KCNQ2: variants seen among roughly 807,000 people sequenced by gnomAD.
KCNQ2 encodes the protein potassium voltage-gated channel subfamily Q member 2.
In KCNQ2, 14 loss-of-function variants were observed where a neutral mutation model predicts 84.8. The ratio of observed to expected loss-of-function variants is 0.17; its 90% CI spans 0.11 to 0.26. KCNQ2 has a LOEUF of 0.26. Ranked by LOEUF, KCNQ2 falls within the 10% of genes least tolerant of loss-of-function variation. The pLI is 1.00. For missense variants in KCNQ2, 788 were observed against 1,254.0 expected (o/e 0.63, Z 5.61); for synonymous variants, 599 against 554.1 (o/e 1.08, Z -1.14).
In KCNQ2 at chr20:63,428,069, G is replaced by A. The variant is rs2270240; in HGVS notation, c.1217+298C>T. Among the ~76,000 whole-genome samples, 20,529 of 152,150 alleles carry A rather than the reference G, an allele frequency of 0.13. 2,725 individuals carry two copies. Among genetic ancestry groups the A allele is most frequent in the East Asian group, 0.56 (2,860 of 5,142 alleles). On this transcript the variant is annotated intron_variant, in intron 10 of 16. Coordinates refer to ENST00000359125, the MANE Select transcript of KCNQ2 (RefSeq NM_172107.4). Reference sequence around the variant, plus strand: ...GGACGACGGGCTGGGACACTTTGTCGTACGACCCACGCGCCTGGGCCCCAT... The same window carrying A: ...GGACGACGGGCTGGGACACTTTGTCATACGACCCACGCGCCTGGGCCCCAT...
intron 1 of KCNQ2, among the ~76,000 whole-genome samples, chr20:63,458,834 C>T (rs931456592): frequency 2.0e-5 from 3 of 152,254 alleles, no homozygotes; most frequent in African/African-American, 7.2e-5. Context: ...GTCACTGCAC[C>T]ACCTTCCGCA....
intron 1 of KCNQ2, among the ~76,000 whole-genome samples, chr20:63,453,003 AC>A (rs905036996): frequency 6.6e-6 from 1 of 152,170 alleles, no homozygotes. Flanking sequence ...AAAGCGCAGC[AC>A]CGCGTGTGGA....
chr20:63,445,503 C>CCCACAAAGGG, intron 2 of KCNQ2, 139 bp from the exon 3 acceptor site: 2 of 857,392 alleles, frequency 2.3e-6, no homozygotes, highest in South Asian at 3.5e-5. Context: ...GCAAGCTGAC[C>CCCACAAAGGG]CCCCCACCCC....
In KCNQ2 at chr20:63,425,643, C is replaced by G. The variant is rs1334914931; in HGVS notation, c.1218-1437G>C. 1.3e-5 allele frequency among the ~76,000 whole-genome samples: 2 copies of G among 152,086 alleles called. No individual in the cohort carries two copies. Among genetic ancestry groups the G allele is most frequent in the Non-Finnish European group, 2.9e-5 (2 of 68,022 alleles). On this transcript the variant is annotated intron_variant, in intron 10 of 16. Transcript: ENST00000359125. The surrounding 1 kb of genome is among the most constrained non-coding windows in gnomAD (Gnocchi z 5.5). Reference sequence around the variant, plus strand: ...GTTGAGGGAGGAGAATCACTTGAACCCAGGAGGCAGAGGTTGCAGTAAGCT... The same window carrying G: ...GTTGAGGGAGGAGAATCACTTGAACGCAGGAGGCAGAGGTTGCAGTAAGCT...
At chr20:63,447,039 G>A (rs2145791581) in intron 1 of KCNQ2, among the ~76,000 whole-genome samples, 1 of 151,788 alleles carries the variant, frequency 6.6e-6, no homozygotes, top group East Asian at 2.0e-4. Context: ...CCACCTCCCG[G>A]GACCCTGAAC....
chr20:63,418,151 C>T (rs2080355154), intron 12 of KCNQ2, among the ~76,000 whole-genome samples: 1 of 152,200 alleles, frequency 6.6e-6, no homozygotes, highest in Non-Finnish European at 1.5e-5. Flanking sequence ...CTGCCAGGAG[C>T]ACGCGTGGTC....
chr20:63,443,146 A>C, intron 4 of KCNQ2, among the ~76,000 whole-genome samples: 2 of 104,996 alleles, frequency 1.9e-5, no homozygotes, highest in Non-Finnish European at 4.0e-5. Flanking sequence ...CATCACCACC[A>C]CCATCACCGG....
intron 1 of KCNQ2, 123 bp downstream of exon 1, chr20:63,472,045 C>G: frequency 1.5e-6 from 1 of 660,782 alleles, no homozygotes; most frequent in Non-Finnish European, 2.4e-6. Flanking sequence ...GAGCGCCGGC[C>G]CCGGACCCAG....
At chr20:63,416,893 G>A (rs1375607572) in intron 12 of KCNQ2, among the ~76,000 whole-genome samples, 1 of 151,976 alleles carries the variant, frequency 6.6e-6, no homozygotes, top group Non-Finnish European at 1.5e-5. Context: ...TGACCGCCCA[G>A]ACCATCTGTG....
intron 1 of KCNQ2, chr20:63,448,491 C>T (rs2081503288): frequency 6.6e-6 from 1 of 152,452 alleles, no homozygotes; most frequent in Non-Finnish European, 1.5e-5. Context: ...GCACACCCTG[C>T]GGCACCACAC....
intron 12 of KCNQ2, among the ~76,000 whole-genome samples, chr20:63,417,303 C>A (rs2080327317): frequency 6.6e-6 from 1 of 152,226 alleles, no homozygotes; most frequent in Non-Finnish European, 1.5e-5. Context: ...TTCTCCACCG[C>A]ACGAGCCATT....
In KCNQ2 at chr20:63,401,089, G is replaced by T. The variant is rs539867110; in HGVS notation, c.*5555C>A. 23 of 387,528 alleles carry T rather than the reference G, an allele frequency of 5.9e-5. No individual in the cohort carries two copies. The highest frequency in any genetic ancestry group is 1.3e-4 in the Admixed American group (3 of 22,316). The allele number at this position is 387,528 out of a possible 1,614,324, so 24.0% of individuals were successfully genotyped here. On this transcript the variant is annotated 3_prime_UTR_variant, in exon 17 of 17. Coordinates refer to ENST00000359125, the MANE Select transcript of KCNQ2 (RefSeq NM_172107.4). ...TCAGACGCTGAGGACCTCTCAGGAC[G>T]GGGCCCCTGGCCAGAGCCAGTCTCC...
At chr20:63,448,107 T>G (rs1423637369) in intron 1 of KCNQ2, 1 of 152,282 alleles carries the variant, frequency 6.6e-6, no homozygotes, top group African/African-American at 2.4e-5. Flanking sequence ...GGAGCAAAGC[T>G]GTGCAACCCA....
chr20:63,463,525 C>T (rs1480327037), intron 1 of KCNQ2, among the ~76,000 whole-genome samples: 2 of 152,170 alleles, frequency 1.3e-5, no homozygotes, highest in Non-Finnish European at 2.9e-5. Context: ...ACCCTGCACC[C>T]GCACACAGGG....
intron 11 of KCNQ2, among the ~76,000 whole-genome samples, chr20:63,421,555 C>T (rs1473232282): frequency 1.3e-5 from 2 of 152,202 alleles, no homozygotes; most frequent in Non-Finnish European, 2.9e-5. Flanking sequence ...CCCTGTGACC[C>T]GAGGTCGGAC....
chr20:63,472,109 T>TGGGGTCGCCGATG, intron 1 of KCNQ2, 59 bp downstream of exon 1: 1 of 1,276,748 alleles, frequency 7.8e-7, no homozygotes, highest in South Asian at 1.6e-5. Context: ...GGGTCGCCGA[T>TGGGGTCGCCGATG]GGGGTCGCCG....
At chr20:63,430,079 G>A (rs1437834571) in intron 9 of KCNQ2, among the ~76,000 whole-genome samples, 3 of 152,342 alleles carry the variant, frequency 2.0e-5, no homozygotes, top group Non-Finnish European at 2.9e-5. Context: ...GGACCCACAC[G>A]CACGCAGGCC....
At chr20:63,458,627 A>G (rs1234793482) in intron 1 of KCNQ2, among the ~76,000 whole-genome samples, 4 of 152,140 alleles carry the variant, frequency 2.6e-5, no homozygotes, top group African/African-American at 9.7e-5. Flanking sequence ...GTCCCCCCAG[A>G]GCAGCGGTCT....
At position 63,406,499 on chromosome 20, in the gene KCNQ2, CAGCCCACATGGGCCCCTCCAG is replaced by C; in HGVS notation, c.*124_*144del. On this transcript the variant is annotated 3_prime_UTR_variant, in exon 17 of 17. Coordinates refer to ENST00000359125, the MANE Select transcript of KCNQ2 (RefSeq NM_172107.4). Reference sequence around the variant, plus strand: ...GTCACTGCCAGGAGCCCCCATCCTTCAGCCCACATGGGCCCCTCCAGGGCCCACCCTTCCCGCCACACTCAG... The same window carrying C: ...GTCACTGCCAGGAGCCCCCATCCTTCGGCCCACCCTTCCCGCCACACTCAG... The C allele has an allele frequency of 3.1e-6, 3 of 975,778 alleles. No individual in the cohort carries two copies. The highest frequency in any genetic ancestry group is 2.9e-6 in the Non-Finnish European group (2 of 681,698). 60.4% of individuals were successfully genotyped at this position (975,778 alleles called of 1,614,324 possible). A position where few individuals can be genotyped will look rare whatever the true frequency, so the allele number is the denominator to read the frequency against.
Sources: allele counts gnomAD v4.1 joint callset (sites outside exome capture counted in the v4.1 genomes callset), GRCh38; gene constraint gnomAD v4.1.1; non-coding constraint Gnocchi (gnomAD v3.1); transcripts MANE v1.5; gene names NCBI Gene and HGNC (gene_info 2026-07-23, HGNC 2026-07-21).